The following PTPRT variants were observed in gnomAD, a reference collection of about 807,000 sequenced individuals.
PTPRT encodes receptor-type tyrosine-protein phosphatase T.
In PTPRT, 56 loss-of-function variants were observed where a neutral mutation model predicts 176.8. The observed-to-expected ratio is 0.32, with a 90% CI of 0.26 to 0.40. The LOEUF is 0.40. PTPRT is among the 10% of genes least tolerant of loss of function. PTPRT has a pLI of 1.00. For missense variants in PTPRT, 1,540 were observed against 1,908.2 expected, an observed-to-expected ratio of 0.81 and a Z score of 3.60; for synonymous variants, 783 against 739.0, an observed-to-expected ratio of 1.06 and a Z score of -0.96.
At chr20:42,872,403 T>G (rs903911532) in intron 2 of PTPRT, among the ~76,000 whole-genome samples, 1 of 152,146 alleles carries the variant, frequency 6.6e-6, no homozygotes, top group African/African-American at 2.4e-5. Flanking sequence ...GAGAACAGAG[T>G]ACGTGCCTTA....
chr20:42,181,626 A>G (rs957266776), intron 16 of PTPRT, among the ~76,000 whole-genome samples: 1 of 152,166 alleles, frequency 6.6e-6, no homozygotes, highest in Non-Finnish European at 1.5e-5. Context: ...TTGACTGAAT[A>G]CTGAATAGTG....
intron 9 of PTPRT, among the ~76,000 whole-genome samples, chr20:42,381,529 G>A (rs6016767): frequency 2.9e-4 from 44 of 152,294 alleles, no homozygotes; most frequent in African/African-American, 9.9e-4. Flanking sequence ...GTGGGTGAAA[G>A]ATAAGCTTTT....
chr20:43,100,664 G>A (rs1351876554), intron 1 of PTPRT, among the ~76,000 whole-genome samples: 1 of 152,132 alleles, frequency 6.6e-6, no homozygotes, highest in Non-Finnish European at 1.5e-5. Flanking sequence ...GGACATAAAC[G>A]GCTCTCATCT....
At chr20:43,091,530 C>G (rs1474675199) in intron 1 of PTPRT, among the ~76,000 whole-genome samples, 1 of 151,296 alleles carries the variant, frequency 6.6e-6, no homozygotes, top group Non-Finnish European at 1.5e-5. Flanking sequence ...TTCTCTCTCT[C>G]TCTCTCTCAC....
At chr20:42,504,451 A>G (rs1243664589) in intron 7 of PTPRT, among the ~76,000 whole-genome samples, 1 of 152,166 alleles carries the variant, frequency 6.6e-6, no homozygotes, top group Admixed American at 6.6e-5. Flanking sequence ...GAATTGTTGG[A>G]ACTTTCAGAA....
At chr20:42,846,534 G>A (rs1371288443) in intron 2 of PTPRT, among the ~76,000 whole-genome samples, 1 of 152,194 alleles carries the variant, frequency 6.6e-6, no homozygotes, top group Non-Finnish European at 1.5e-5. Context: ...TTGGCTTCTA[G>A]GGGCTGCAAG....
chr20:42,071,310 A>G (rs1189829613), downstream of PTPRT, among the ~76,000 whole-genome samples: 1 of 152,228 alleles, frequency 6.6e-6, no homozygotes, highest in African/African-American at 2.4e-5. Flanking sequence ...AGAAGAAAAT[A>G]GAGGACATAT....
intron 13 of PTPRT, among the ~76,000 whole-genome samples, chr20:42,262,497 C>G (rs1289720657): frequency 1.3e-5 from 2 of 152,326 alleles, no homozygotes; most frequent in East Asian, 3.9e-4. Flanking sequence ...AAGACTCAGT[C>G]TCTAGGAAGC....
At chr20:43,181,566 C>G (rs568107749) in intron 1 of PTPRT, among the ~76,000 whole-genome samples, 1 of 152,144 alleles carries the variant, frequency 6.6e-6, no homozygotes, top group African/African-American at 2.4e-5. Context: ...TGGCAAAATT[C>G]TTTTTAATTA....
Position 42,128,730 on chromosome 20 carries a change from C to T in PTPRT, c.2847+24G>A. 3.2e-6 allele frequency: 5 copies of T among 1,565,562 alleles called. No homozygotes were observed. The South Asian group carries it at 3.6e-5, about 11-fold the overall frequency. On this transcript the variant is annotated intron_variant, in intron 19 of 30. Transcript: ENST00000373187. ...TGAGCCTGCAAAAGCCAGCCCCAGCCCCCAGCCCCATTAAGACACTCACGT... is the reference window on the plus strand; with the variant it reads ...TGAGCCTGCAAAAGCCAGCCCCAGCTCCCAGCCCCATTAAGACACTCACGT...
intron 1 of PTPRT, among the ~76,000 whole-genome samples, chr20:42,906,538 G>A (rs6103098): frequency 0.062 from 9,386 of 152,276 alleles, 811 homozygotes; most frequent in African/African-American, 0.19. Flanking sequence ...AGGGGGTCTA[G>A]TTGAGCTGAC....
intron 1 of PTPRT, among the ~76,000 whole-genome samples, chr20:43,146,487 A>C (rs2014171727): frequency 6.6e-6 from 1 of 152,018 alleles, no homozygotes; most frequent in African/African-American, 2.4e-5. Context: ...TCTTGGGATG[A>C]GATTGTGATT....
chr20:42,279,286 T>G (rs1329647641), intron 13 of PTPRT, among the ~76,000 whole-genome samples: 1 of 152,000 alleles, frequency 6.6e-6, no homozygotes, highest in Non-Finnish European at 1.5e-5. Flanking sequence ...GATTAGGTGG[T>G]AGTATCCTCA....
At chr20:42,987,555 A>T (rs1983668768) in intron 1 of PTPRT, among the ~76,000 whole-genome samples, 2 of 152,028 alleles carry the variant, frequency 1.3e-5, no homozygotes, top group Non-Finnish European at 1.5e-5. Flanking sequence ...TCATGCTGTC[A>T]CACTCCAGCC....
At chr20:42,279,552 A>C (rs2057103899) in intron 13 of PTPRT, among the ~76,000 whole-genome samples, 1 of 152,172 alleles carries the variant, frequency 6.6e-6, no homozygotes, top group South Asian at 2.1e-4. Context: ...TAAGCCAACC[A>C]ATTTGTAGGA....
chr20:43,134,427 C>T (rs976139011), intron 1 of PTPRT, among the ~76,000 whole-genome samples: 8 of 152,180 alleles, frequency 5.3e-5, no homozygotes, highest in Non-Finnish European at 1.2e-4. Flanking sequence ...TCTCGTCCTC[C>T]ATCACCCTGG....
At position 42,847,381 on chromosome 20, in the gene PTPRT, C is replaced by A. The variant is rs56026270; in HGVS notation, c.214+38426G>T. On this transcript the variant is annotated intron_variant, in intron 2 of 30. Coordinates refer to ENST00000373187, the MANE Select transcript of PTPRT (RefSeq NM_007050.6). ...ACAGAACACTCTTACTCCCCGCCCCCCTCTGATTTCTGGCCATACAGAAGA... is the reference window on the plus strand; with the variant it reads ...ACAGAACACTCTTACTCCCCGCCCCACTCTGATTTCTGGCCATACAGAAGA... Among the ~76,000 whole-genome samples the A allele has an allele frequency of 2.2e-3, 342 of 152,158 alleles. 2 individuals are homozygous for A. The highest frequency in any genetic ancestry group is 3.8e-3 in the Non-Finnish European group (259 of 68,004).
At chr20:43,080,634 T>C (rs923206322) in intron 1 of PTPRT, among the ~76,000 whole-genome samples, 8 of 152,212 alleles carry the variant, frequency 5.3e-5, no homozygotes, top group Non-Finnish European at 7.3e-5. Flanking sequence ...CACTGGGAAA[T>C]GGCTGCCCAG....
At chr20:42,810,549 C>T (rs926567599) in intron 2 of PTPRT, among the ~76,000 whole-genome samples, 3 of 152,200 alleles carry the variant, frequency 2.0e-5, no homozygotes, top group East Asian at 3.8e-4. Context: ...TTTAGGATTG[C>T]ACTAGATTGC....
Sources: gnomAD v4.1 joint callset for allele counts (sites outside exome capture counted in the v4.1 genomes callset) on GRCh38, gnomAD v4.1.1 for gene constraint, MANE v1.5 for transcripts, NCBI Gene and HGNC (gene_info 2026-07-23, HGNC 2026-07-21) for gene names.